Variants in FAM135B observed in about 807,000 individuals in gnomAD.
FAM135B encodes family with sequence similarity 135 member B.
FAM135B carries 43 observed loss-of-function variants against 127.7 expected under a neutral mutation model. The ratio of observed to expected loss-of-function variants is 0.34; its 90% CI spans 0.26 to 0.43. The LOEUF is 0.43. Ranked by LOEUF, FAM135B falls within the 20% of genes least tolerant of loss-of-function variation. FAM135B has a pLI of 1.00. For synonymous variants in FAM135B, 670 were observed against 665.1 expected (o/e 1.01, Z -0.11); for missense variants, 1,558 against 1,725.6 (o/e 0.90, Z 1.72).
At chr8:138,144,316 C>G (rs1441690445) in intron 15 of FAM135B, 2 of 152,228 alleles carry the variant, frequency 1.3e-5, no homozygotes, top group Admixed American at 1.3e-4. Flanking sequence ...GAGGCTGAGG[C>G]AGGAGAATCG....
At chr8:138,371,004 G>A (rs1587264551) in intron 1 of FAM135B, among the ~76,000 whole-genome samples, 1 of 152,290 alleles carries the variant, frequency 6.6e-6, no homozygotes, top group East Asian at 1.9e-4. Context: ...AACTCCACAG[G>A]TGAGTTTCAG....
chr8:138,213,538 G>C (rs1262512395), intron 7 of FAM135B, among the ~76,000 whole-genome samples: 3 of 142,742 alleles, frequency 2.1e-5, no homozygotes, highest in African/African-American at 7.8e-5. Context: ...TGATGTCTTT[G>C]ACTGCTTTAA....
At chr8:138,372,761 G>C (rs1051161535) in intron 1 of FAM135B, among the ~76,000 whole-genome samples, 5 of 152,092 alleles carry the variant, frequency 3.3e-5, no homozygotes, top group African/African-American at 1.2e-4. Flanking sequence ...AAAATGCAGT[G>C]AAATTACAGC....
chr8:138,178,492 C>T (rs772504392), intron 10 of FAM135B, 43 bp downstream of exon 10: 2 of 1,607,614 alleles, frequency 1.2e-6, no homozygotes, highest in Non-Finnish European at 1.7e-6. Context: ...CCAAAGAAAT[C>T]AAATGCATGT....
rs1242674230 is a variant in FAM135B, at chr8:138,243,584, T to G, written c.543-516A>C. ...CATAAGCCAGAAAGCACTCGCTGTGTCAACGCTAATTGGGAAGACCATAAC... is the reference window on the plus strand; with the variant it reads ...CATAAGCCAGAAAGCACTCGCTGTGGCAACGCTAATTGGGAAGACCATAAC... On this transcript the variant is annotated intron_variant, in intron 6 of 19. Transcript: ENST00000395297. This position sits in a 1 kb window ranked among gnomAD's most constrained non-coding sequence, Gnocchi z 7.5. Among the ~76,000 whole-genome samples the G allele has an allele frequency of 6.6e-6, 1 of 152,240 alleles. No homozygotes were observed. Among genetic ancestry groups the G allele is most frequent in the African/African-American group, 2.4e-5 (1 of 41,462 alleles).
intron 1 of FAM135B, among the ~76,000 whole-genome samples, chr8:138,469,695 T>C: frequency 6.6e-6 from 1 of 152,156 alleles, no homozygotes; most frequent in East Asian, 1.9e-4. Context: ...AAATACAAGA[T>C]TAGAAAGAAG....
intron 7 of FAM135B, among the ~76,000 whole-genome samples, chr8:138,214,089 T>C (rs1007834010): frequency 3.3e-5 from 5 of 152,148 alleles, no homozygotes; most frequent in African/African-American, 9.7e-5. Context: ...ACTGAGTCTA[T>C]ATTCTATGCC....
chr8:138,421,906 A>C (rs2131458272), intron 1 of FAM135B, among the ~76,000 whole-genome samples: 1 of 152,326 alleles, frequency 6.6e-6, no homozygotes, highest in East Asian at 1.9e-4. Context: ...ACAGAAACCA[A>C]AACAGCATGG....
intron 9 of FAM135B, among the ~76,000 whole-genome samples, chr8:138,180,825 G>C (rs1586701850): frequency 1.3e-5 from 2 of 152,274 alleles, no homozygotes; most frequent in African/African-American, 2.4e-5. Flanking sequence ...CAAAATGAGG[G>C]AATCGCCTGC....
chr8:138,348,817 A>G (rs939621024), intron 2 of FAM135B, among the ~76,000 whole-genome samples: 2 of 152,212 alleles, frequency 1.3e-5, no homozygotes, highest in African/African-American at 4.8e-5. Context: ...CTCATCTCCA[A>G]TTCATTTAAT....
At chr8:138,180,361 A>G (rs1239774594) in intron 9 of FAM135B, among the ~76,000 whole-genome samples, 1 of 152,220 alleles carries the variant, frequency 6.6e-6, no homozygotes, top group East Asian at 1.9e-4. Context: ...GTTAACAATT[A>G]AAAGTGCCGC....
chr8:138,172,094 A>G (rs1820513011), intron 11 of FAM135B, among the ~76,000 whole-genome samples: 1 of 152,240 alleles, frequency 6.6e-6, no homozygotes, highest in African/African-American at 2.4e-5. Flanking sequence ...AGGTCAATTT[A>G]AAGGCAACAA....
chr8:138,357,678 CAA>C (rs1410882706), intron 2 of FAM135B, among the ~76,000 whole-genome samples: 1 of 151,734 alleles, frequency 6.6e-6, no homozygotes, highest in Non-Finnish European at 1.5e-5. Flanking sequence ...GAAAAAAAAA[CAA>C]GAGCAGTGAA....
At chr8:138,153,251 T>C in intron 12 of FAM135B, 35 bp from the exon 13 acceptor site, 3 of 1,438,896 alleles carry the variant, frequency 2.1e-6, no homozygotes, top group African/African-American at 2.9e-5. Context: ...TATATTATAG[T>C]GTAAGAATCT....
At chr8:138,339,171 A>G (rs1318947931) in intron 2 of FAM135B, among the ~76,000 whole-genome samples, 1 of 151,878 alleles carries the variant, frequency 6.6e-6, no homozygotes, top group Non-Finnish European at 1.5e-5. Flanking sequence ...ATGATGAGTT[A>G]ATGGGTGCAG....
intron 1 of FAM135B, chr8:138,441,536 C>T (rs1448835345): frequency 6.6e-6 from 1 of 152,206 alleles, no homozygotes; most frequent in Non-Finnish European, 1.5e-5. Flanking sequence ...CTCTTGAACA[C>T]AGCCTGACAT....
At chr8:138,442,097 T>C (rs1425821069) in intron 1 of FAM135B, among the ~76,000 whole-genome samples, 1 of 151,308 alleles carries the variant, frequency 6.6e-6, no homozygotes, top group Non-Finnish European at 1.5e-5. Flanking sequence ...TCCTTTAATA[T>C]TACAAATGTT....
chr8:138,435,017 CCACACGCCAGCCAGGCGCGGTGG>C (rs1835382829), intron 1 of FAM135B, among the ~76,000 whole-genome samples: 4 of 152,192 alleles, frequency 2.6e-5, no homozygotes, highest in Admixed American at 2.6e-4. Context: ...GTGGCTGAAG[CCACACGCCAGCCAGGCGCGGTGG>C]CTCGCGCCTG....
rs182218376 is a variant in FAM135B, at chr8:138,410,166, A to G, written c.-19-42164T>C. ...ATATTTTTCTAAGTGGGGCTTACAT[A>G]TTACCAGGAAGGGCTCCAGGAGGAG... On this transcript the variant is annotated intron_variant, in intron 1 of 19. Coordinates refer to ENST00000395297, the MANE Select transcript of FAM135B (RefSeq NM_015912.4). 1.5e-4 allele frequency among the ~76,000 whole-genome samples: 23 copies of G among 152,316 alleles called. No individual in the cohort carries two copies. The East Asian group carries it at 2.7e-3, about 18-fold the overall frequency.
Sources: gnomAD v4.1 joint callset for allele counts (sites outside exome capture counted in the v4.1 genomes callset) on GRCh38, gnomAD v4.1.1 for gene constraint, Gnocchi (gnomAD v3.1) non-coding constraint, MANE v1.5 for transcripts, NCBI Gene and HGNC (gene_info 2026-07-23, HGNC 2026-07-21) for gene names.